The following CSMD1 variants were observed in gnomAD, a reference collection of about 807,000 sequenced individuals.
CSMD1 encodes the protein CUB and sushi domain-containing protein 1.
In CSMD1, 213 loss-of-function variants were observed where a neutral mutation model predicts 417.5. The observed-to-expected ratio is 0.51, with a 90% confidence interval of 0.46 to 0.57. The LOEUF is 0.57. Ranked by LOEUF, CSMD1 falls within the 20% of genes least tolerant of loss-of-function variation. The pLI is 0.00. For missense variants in CSMD1, 6,923 were observed against 4,529.7 expected, an observed-to-expected ratio of 1.53 and a Z score of -15.17; for synonymous variants, 2,862 against 1,736.8, an observed-to-expected ratio of 1.65 and a Z score of -16.11.
intron 5 of CSMD1, among the ~76,000 whole-genome samples, chr8:3,909,300 C>G (rs1406611450): frequency 1.3e-5 from 2 of 152,108 alleles, no homozygotes; most frequent in Non-Finnish European, 2.9e-5. Flanking sequence ...AAGTCTGTAA[C>G]TTTTACTTCT....
chr8:2,971,795 C>T (rs922203170), intron 57 of CSMD1, among the ~76,000 whole-genome samples: 1 of 152,102 alleles, frequency 6.6e-6, no homozygotes, highest in East Asian at 1.9e-4. Context: ...AAAGTATGAT[C>T]CTGCAATTCG....
intron 6 of CSMD1, among the ~76,000 whole-genome samples, chr8:3,732,107 G>A (rs897436782): frequency 9.2e-5 from 14 of 152,180 alleles, no homozygotes; most frequent in African/African-American, 3.4e-4. Flanking sequence ...AGGGAAAGGA[G>A]GGCCTTGGAG....
chr8:3,992,194 T>A (rs1052240824), intron 5 of CSMD1, among the ~76,000 whole-genome samples: 1 of 150,548 alleles, frequency 6.6e-6, no homozygotes, highest in Non-Finnish European at 1.5e-5. Flanking sequence ...TATATTTACA[T>A]TCATATTTAT....
intron 3 of CSMD1, among the ~76,000 whole-genome samples, chr8:4,190,126 G>A (rs1181489913): frequency 1.3e-5 from 2 of 151,790 alleles, no homozygotes; most frequent in Admixed American, 1.3e-4. Flanking sequence ...GGGCGTGGTG[G>A]CAGGTGCCTG....
intron 3 of CSMD1, among the ~76,000 whole-genome samples, chr8:4,048,885 C>G (rs1050459041): frequency 1.3e-5 from 2 of 152,150 alleles, no homozygotes; most frequent in Non-Finnish European, 2.9e-5. Context: ...TTTACAGCTG[C>G]TACATACAAA....
At chr8:4,307,212 T>C (rs938472818) in intron 3 of CSMD1, among the ~76,000 whole-genome samples, 5 of 152,196 alleles carry the variant, frequency 3.3e-5, no homozygotes, top group African/African-American at 1.2e-4. Flanking sequence ...CGGCTCATTA[T>C]TTTTATAATA....
intron 3 of CSMD1, among the ~76,000 whole-genome samples, chr8:4,389,818 G>T (rs1293812268): frequency 2.0e-5 from 3 of 151,962 alleles, no homozygotes; most frequent in African/African-American, 7.2e-5. Flanking sequence ...TTTATTTAAA[G>T]TACTCTAAAG....
At chr8:3,122,033 A>T (rs371295176) in intron 41 of CSMD1, among the ~76,000 whole-genome samples, 1 of 151,956 alleles carries the variant, frequency 6.6e-6, no homozygotes, top group East Asian at 1.9e-4. Context: ...AATGGCAAAA[A>T]CCTCAATTGC....
chr8:4,323,754 C>A (rs960517229), intron 3 of CSMD1, among the ~76,000 whole-genome samples: 1 of 60,868 alleles, frequency 1.6e-5, no homozygotes, highest in African/African-American at 3.4e-5. Context: ...ACTCAAATAT[C>A]CCCCCCTTCC....
chr8:3,200,131 T>G (rs1226060189), intron 32 of CSMD1, among the ~76,000 whole-genome samples: 4 of 152,112 alleles, frequency 2.6e-5, no homozygotes, highest in Non-Finnish European at 2.9e-5. Context: ...CAGAATCACC[T>G]TACTCTGATT....
chr8:4,728,999 T>C lies in CSMD1; in HGVS notation c.86-91441A>G, dbSNP rs114296875. ...TTTTAGAGGAGGGAGACTGTGGTGA[T>C]ATAAATCTAGAAGGCGTTAGTATAC... On this transcript the variant is annotated intron_variant, in intron 1 of 69. Transcript: ENST00000635120. 9.0e-3 allele frequency among the ~76,000 whole-genome samples: 1,369 copies of C among 152,218 alleles called. 23 individuals carry two copies. Among genetic ancestry groups the C allele is most frequent in the African/African-American group, 0.026 (1,078 of 41,530 alleles).
intron 17 of CSMD1, among the ~76,000 whole-genome samples, chr8:3,392,664 C>A (rs1423991869): frequency 6.6e-6 from 1 of 152,062 alleles, no homozygotes. Flanking sequence ...GCTCAGGATT[C>A]TGATTTTCAT....
At chr8:4,020,070 G>A (rs1448268970) in intron 4 of CSMD1, among the ~76,000 whole-genome samples, 1 of 152,142 alleles carries the variant, frequency 6.6e-6, no homozygotes, top group South Asian at 2.1e-4. Context: ...AGGAGATAGA[G>A]ACAGTAATTA....
chr8:3,531,849 G>T, intron 10 of CSMD1, among the ~76,000 whole-genome samples: 1 of 152,126 alleles, frequency 6.6e-6, no homozygotes, highest in East Asian at 1.9e-4. Flanking sequence ...ACGGCTACGT[G>T]GGGCCAGGCC....
intron 10 of CSMD1, among the ~76,000 whole-genome samples, chr8:3,524,930 T>TA (rs370759363): frequency 4.4e-4 from 66 of 149,874 alleles, no homozygotes; most frequent in East Asian, 1.2e-3. Context: ...TCATGAAATG[T>TA]AAAAAAAAAA....
At chr8:4,255,333 T>G (rs560494916) in intron 3 of CSMD1, among the ~76,000 whole-genome samples, 2 of 152,214 alleles carry the variant, frequency 1.3e-5, no homozygotes, top group African/African-American at 4.8e-5. Context: ...GCTGTTAATA[T>G]CTGCAGTCAT....
chr8:3,730,127 G>C (rs1802756195), intron 6 of CSMD1, among the ~76,000 whole-genome samples: 1 of 151,974 alleles, frequency 6.6e-6, no homozygotes, highest in African/African-American at 2.4e-5. Context: ...TACTTACAAG[G>C]AGACAATGTG....
chr8:4,763,495 A>C (rs7003205), intron 1 of CSMD1, among the ~76,000 whole-genome samples: 1 of 151,918 alleles, frequency 6.6e-6, no homozygotes, highest in South Asian at 2.1e-4. Flanking sequence ...TCAATAATTT[A>C]TTGATGACTT....
At chr8:4,955,190 T>A (rs888094647) in intron 1 of CSMD1, among the ~76,000 whole-genome samples, 3 of 152,180 alleles carry the variant, frequency 2.0e-5, no homozygotes, top group South Asian at 4.1e-4. Context: ...GCTGTTCCCG[T>A]TGGCTTCTAC....
Sources: gnomAD v4.1 joint callset for allele counts (sites outside exome capture counted in the v4.1 genomes callset) on GRCh38, gnomAD v4.1.1 for gene constraint, MANE v1.5 for transcripts, NCBI Gene and HGNC (gene_info 2026-07-23, HGNC 2026-07-21) for gene names.